Variants in EFCAB11 observed in about 807,000 individuals in gnomAD.
The protein encoded by EFCAB11 is EF-hand calcium-binding domain-containing protein 11.
EFCAB11 carries 14 observed loss-of-function variants against 23.0 expected under a neutral mutation model. That is an observed-to-expected ratio of 0.61 (90% CI 0.40 to 0.95). EFCAB11 has a LOEUF of 0.95. EFCAB11 is among the 40% of genes least tolerant of loss of function. The pLI is 0.00. For missense variants in EFCAB11, 198 were observed against 195.8 expected, an observed-to-expected ratio of 1.01 and a Z score of -0.07; for synonymous variants, 65 against 66.6, an observed-to-expected ratio of 0.98 and a Z score of 0.11.
intron 2 of EFCAB11, among the ~76,000 whole-genome samples, chr14:89,951,418 TACC>T (rs1430527304): frequency 3.9e-5 from 6 of 152,202 alleles, no homozygotes; most frequent in African/African-American, 1.4e-4. Flanking sequence ...CTGTTATAGT[TACC>T]ACTAGAATTA....
intron 5 of EFCAB11, among the ~76,000 whole-genome samples, chr14:89,906,765 C>T (rs1285220620): frequency 6.6e-6 from 1 of 152,074 alleles, no homozygotes; most frequent in Non-Finnish European, 1.5e-5. Flanking sequence ...AATGGGAAAA[C>T]TGAGGGAAGG....
chr14:89,884,608 T>A (rs1596424757), intron 5 of EFCAB11, among the ~76,000 whole-genome samples: 1 of 152,128 alleles, frequency 6.6e-6, no homozygotes, highest in South Asian at 2.1e-4. Context: ...AAAGAAGAAA[T>A]AAAACTACTA....
intron 5 of EFCAB11, among the ~76,000 whole-genome samples, chr14:89,851,427 A>G (rs1413529817): frequency 1.3e-5 from 2 of 152,224 alleles, no homozygotes; most frequent in East Asian, 3.8e-4. Flanking sequence ...GAAACCAAGG[A>G]AAAAACAAAA....
chr14:89,941,197 C>G (rs1466486374), intron 3 of EFCAB11, among the ~76,000 whole-genome samples: 1 of 152,142 alleles, frequency 6.6e-6, no homozygotes, highest in Non-Finnish European at 1.5e-5. Flanking sequence ...TTGCATGGAC[C>G]CTGACTGCAG....
chr14:89,870,204 T>G (rs2140161618), intron 5 of EFCAB11, among the ~76,000 whole-genome samples: 1 of 152,306 alleles, frequency 6.6e-6, no homozygotes, highest in African/African-American at 2.4e-5. Flanking sequence ...GTATCTAGAA[T>G]TAGACATTAA....
intron 5 of EFCAB11, among the ~76,000 whole-genome samples, chr14:89,867,398 C>T (rs958199953): frequency 2.6e-5 from 4 of 152,202 alleles, no homozygotes; most frequent in African/African-American, 9.7e-5. Flanking sequence ...CTGGTGCCAA[C>T]ATCATGTTAA....
At chr14:89,834,027 A>T (rs1285732942) in intron 5 of EFCAB11, among the ~76,000 whole-genome samples, 1 of 152,140 alleles carries the variant, frequency 6.6e-6, no homozygotes. Context: ...AATAAGTAAT[A>T]CATCATTTAT....
Position 89,929,030 on chromosome 14 carries a change from C to CATATAT in EFCAB11, c.410+2505_410+2510dup, listed in dbSNP as rs34339124. ...GGAAAGATGGACATATAAATACATA[C>CATATAT]ATATATATATATATACACACACACA... On this transcript the variant is annotated intron_variant, in intron 5 of 5. Transcript: ENST00000316738. Among the ~76,000 whole-genome samples the CATATAT allele has an allele frequency of 6.6e-3, 801 of 121,316 alleles. 12 individuals carry two copies. Among genetic ancestry groups the CATATAT allele is most frequent in the African/African-American group, 0.019 (623 of 33,298 alleles). 79.6% of individuals were successfully genotyped at this position (121,316 alleles called of 152,430 possible).
intron 5 of EFCAB11, among the ~76,000 whole-genome samples, chr14:89,888,511 G>A (rs1383501662): frequency 1.3e-5 from 2 of 152,098 alleles, no homozygotes; most frequent in Admixed American, 6.6e-5. Flanking sequence ...GTTGGAGCAG[G>A]GGAAGTGCTA....
At position 89,931,597 on chromosome 14, in the gene EFCAB11, T is replaced by A; in HGVS notation, c.354A>T (p.Lys118Asn). 1 of 1,614,090 alleles carries A rather than the reference T, an allele frequency of 6.2e-7. No individual in the cohort carries two copies. The highest frequency in any genetic ancestry group is 1.1e-5 in the South Asian group (1 of 91,072). The change falls in exon 5 of 6, where the codon AAA (lysine) becomes AAT (asparagine). Residue 118 changes from lysine (K) to asparagine (N), a missense_variant. By Grantham distance (94) the Lys-to-Asn change is moderately conservative (BLOSUM62 0). Transcript: ENST00000316738. The stretch of plus-strand genomic sequence containing the variant: ...ATTTGGGAGCCACCTGCCTAAATGC[T>A]TTTTTGAAATCTTCCAAAGTTAAAA... ...RGFLTLEDFKKAFRQVAPKLP... is the reference protein window; with the variant it reads ...RGFLTLEDFKNAFRQVAPKLP...
chr14:89,930,821 T>A (rs1890363579), intron 5 of EFCAB11, among the ~76,000 whole-genome samples: 1 of 152,230 alleles, frequency 6.6e-6, no homozygotes, highest in Non-Finnish European at 1.5e-5. Flanking sequence ...CTCGCTGGTG[T>A]GCTGAACGCT....
chr14:89,943,351 T>C (rs1021824927), intron 3 of EFCAB11, among the ~76,000 whole-genome samples: 13 of 149,684 alleles, frequency 8.7e-5, no homozygotes, highest in South Asian at 2.2e-4. Context: ...GCTCAAGCAA[T>C]CCTCTACCTC....
chr14:89,827,930 G>A (rs1242688242), intron 5 of EFCAB11, among the ~76,000 whole-genome samples: 1 of 152,098 alleles, frequency 6.6e-6, no homozygotes, highest in African/African-American at 2.4e-5. Flanking sequence ...ACCATGCCTG[G>A]CCTTTTATTC....
intron 5 of EFCAB11, among the ~76,000 whole-genome samples, chr14:89,890,042 T>TTGGACACAC (rs1201341787): frequency 6.6e-6 from 1 of 152,212 alleles, no homozygotes; most frequent in Non-Finnish European, 1.5e-5. Context: ...ATCAACACAC[T>TTGGACACAC]TGGACACAGT....
chr14:89,885,583 A>G (rs1381826055), intron 5 of EFCAB11, among the ~76,000 whole-genome samples: 1 of 152,052 alleles, frequency 6.6e-6, no homozygotes, highest in Non-Finnish European at 1.5e-5. Context: ...AGGCTGGGGC[A>G]GAAGAATCGC....
chr14:89,924,670 A>C (rs1418239176), intron 5 of EFCAB11: 1 of 1,535,748 alleles, frequency 6.5e-7, no homozygotes, highest in African/African-American at 1.4e-5. Flanking sequence ...CATGCACTGA[A>C]AATGCCTCTG....
intron 5 of EFCAB11, among the ~76,000 whole-genome samples, chr14:89,882,784 T>A (rs142830656): frequency 6.6e-6 from 1 of 152,096 alleles, no homozygotes; most frequent in South Asian, 2.1e-4. Context: ...GCTACCGCTA[T>A]GGTTTGGATG....
intron 5 of EFCAB11, among the ~76,000 whole-genome samples, chr14:89,809,443 A>T (rs1006727269): frequency 3.9e-5 from 6 of 152,032 alleles, no homozygotes; most frequent in African/African-American, 1.5e-4. Context: ...TCCTGCCTCC[A>T]GGCAGGGCCA....
At chr14:89,940,163 A>G (rs139175319) in intron 3 of EFCAB11, among the ~76,000 whole-genome samples, 4 of 152,374 alleles carry the variant, frequency 2.6e-5, no homozygotes, top group Non-Finnish European at 5.9e-5. Flanking sequence ...GGATGGGTGA[A>G]TATCTGTAGG....
Sources: gnomAD v4.1 joint callset for allele counts (sites outside exome capture counted in the v4.1 genomes callset) on GRCh38, gnomAD v4.1.1 for gene constraint, MANE v1.5 for transcripts, NCBI Gene and HGNC (gene_info 2026-07-23, HGNC 2026-07-21) for gene names.